FAM76B: variants seen among roughly 807,000 people sequenced by gnomAD.
The protein encoded by FAM76B is protein FAM76B.
FAM76B carries 16 observed loss-of-function variants against 51.8 expected under a neutral mutation model. The observed-to-expected ratio is 0.31, with a 90% confidence interval of 0.21 to 0.47. The LOEUF (loss-of-function observed/expected upper bound fraction) is 0.47. Among genes scored for constraint, FAM76B ranks in the 20% least tolerant of loss-of-function variants. The pLI, the probability that FAM76B is intolerant of heterozygous loss-of-function variation, is 1.00. For missense variants in FAM76B, 342 were observed against 392.6 expected (o/e 0.87, Z 1.09); for synonymous variants, 166 against 129.5 (o/e 1.28, Z -1.91).
rs1269947791 is a variant in FAM76B at position 95,783,137 on chromosome 11, T to C, written c.491A>G (p.Lys164Arg). 6.2e-7 allele frequency: 1 copy of C among 1,613,028 alleles called. No individual in the cohort carries two copies. The highest frequency in any genetic ancestry group is 1.1e-5 in the South Asian group (1 of 90,984). Reference protein sequence around the residue: ...SNSSSSSLTEKDQHHPKHHHH... With the variant: ...SNSSSSSLTERDQHHPKHHHH... ...ATGATGTTTTGGATGATGCTGGTCT[T>C]TCTCAGTAAGAGATGAAGAAGATGA... The change falls in exon 5 of 10, where the codon AAA becomes AGA. Residue 164 changes from lysine (K) to arginine (R), a missense_variant. Transcript: ENST00000358780.
chr11:95,771,204 A>G lies in FAM76B; in HGVS notation c.*357T>C, dbSNP rs1256046340. 2 of 153,424 alleles carry G rather than the reference A, an allele frequency of 1.3e-5. No homozygotes were observed. Among genetic ancestry groups the G allele is most frequent in the African/African-American group, 4.8e-5 (2 of 41,410 alleles). The allele number at this position is 153,424 out of a possible 1,614,324, so 9.5% of individuals were successfully genotyped here. ...GAAATTAGCATAGTGTAAAACAAAAACAAAACAAAAAAACCCTGCTGCTCT... is the reference window on the plus strand; with the variant it reads ...GAAATTAGCATAGTGTAAAACAAAAGCAAAACAAAAAAACCCTGCTGCTCT... On this transcript the variant is annotated 3_prime_UTR_variant, in exon 10 of 10. Coordinates refer to ENST00000358780, the MANE Select transcript of FAM76B (RefSeq NM_144664.5).
chr11:95,784,715 GT>G (rs1403108744), intron 4 of FAM76B, among the ~76,000 whole-genome samples: 1 of 151,906 alleles, frequency 6.6e-6, no homozygotes, highest in Non-Finnish European at 1.5e-5. Context: ...AGCCTCCTGA[GT>G]AGCTGGGACT....
chr11:95,770,252 C>T lies in FAM76B; in HGVS notation c.*1309G>A, dbSNP rs1041922237. 1 of 151,812 alleles carries T rather than the reference C, an allele frequency of 6.6e-6. No individual in the cohort carries two copies. Among genetic ancestry groups the T allele is most frequent in the African/African-American group, 2.4e-5 (1 of 41,338 alleles). 9.4% of individuals were successfully genotyped at this position (151,812 alleles called of 1,614,324 possible). A position where few individuals can be genotyped will look rare whatever the true frequency, so the allele number is the denominator to read the frequency against. On this transcript the variant is annotated 3_prime_UTR_variant, in exon 10 of 10. Transcript: ENST00000358780. ...GTCAATAACTTCATATAACCTATCC[C>T]ACCCTACCTTAACCTTTTATAGACA... is the stretch of plus-strand genomic sequence containing the variant.
intron 4 of FAM76B, 101 bp from the exon 5 acceptor site, chr11:95,783,365 A>G: frequency 1.1e-6 from 1 of 937,034 alleles, no homozygotes; most frequent in Non-Finnish European, 1.6e-6. Context: ...TTCCACACGT[A>G]ACATGCACAA....
At chr11:95,780,869 G>A (rs754477549) in intron 5 of FAM76B, among the ~76,000 whole-genome samples, 1 of 151,686 alleles carries the variant, frequency 6.6e-6, no homozygotes, top group Non-Finnish European at 1.5e-5. Context: ...ATACAAAATA[G>A]ACATATATAT....
At position 95,775,927 on chromosome 11, in the gene FAM76B, G is replaced by A; in HGVS notation, c.925C>T (p.Leu309Phe). 1 of 1,571,122 alleles carries A rather than the reference G, an allele frequency of 6.4e-7. No homozygotes were observed. Among genetic ancestry groups the A allele is most frequent in the South Asian group, 1.2e-5 (1 of 84,458 alleles). ...EKAHKETVEQ[L>F]QAKNRELLKQ... ...ACGTAAATGATGGTAGTTACCTGAA[G>A]TTGTTCCACAGTTTCTTTGTGGGCT... The change falls in exon 9 of 10, where the codon CTT becomes TTT. Residue 309 changes from leucine to phenylalanine, a missense_variant. Physicochemically the swap from Leu to Phe is conservative, Grantham distance 22. This residue lies in a region of FAM76B where 230 missense variants were observed against 257.4 expected (regional missense o/e 0.89). Transcript: ENST00000358780.
At chr11:95,779,990 A>C (rs1860186842) in intron 5 of FAM76B, 64 bp from the exon 6 acceptor site, 2 of 1,423,134 alleles carry the variant, frequency 1.4e-6, no homozygotes, top group South Asian at 2.6e-5. Context: ...TAAATTTAAC[A>C]TTCTTTCTCA....
At position 95,771,499 on chromosome 11, in the gene FAM76B, T is replaced by C. The variant is rs1859763034; in HGVS notation, c.*62A>G. 1 of 1,377,140 alleles carries C rather than the reference T, an allele frequency of 7.3e-7. No homozygotes were observed. The highest frequency in any genetic ancestry group is 1.8e-5 in the Admixed American group (1 of 56,774). 85.3% of individuals were successfully genotyped at this position (1,377,140 alleles called of 1,614,324 possible). ...TTTCTACTACACAGAATTTAAGGGC[T>C]TCACAGAATTTTTTTTCCCCAAATT... On this transcript the variant is annotated 3_prime_UTR_variant, in exon 10 of 10. Coordinates refer to ENST00000358780, the MANE Select transcript of FAM76B (RefSeq NM_144664.5).
chr11:95,774,622 T>A (rs1274614386), intron 9 of FAM76B, among the ~76,000 whole-genome samples: 2 of 151,410 alleles, frequency 1.3e-5, no homozygotes, highest in African/African-American at 4.8e-5. Context: ...CAGGTAATCA[T>A]TCAGCATTAA....
chr11:95,786,043 G>A (rs1173624117), intron 4 of FAM76B, 76 bp downstream of exon 4: 3 of 1,525,628 alleles, frequency 2.0e-6, no homozygotes, highest in African/African-American at 1.4e-5. Context: ...TCTCAGTAGT[G>A]TATTAATTAT....
chr11:95,776,124 TAGA>T (rs1042470315), intron 8 of FAM76B, 101 bp from the exon 9 acceptor site: 11 of 597,716 alleles, frequency 1.8e-5, no homozygotes, highest in South Asian at 1.2e-4. Flanking sequence ...ATTACAAAAG[TAGA>T]AGATGTTAAC....
chr11:95,774,335 A>T (rs1160156149), intron 9 of FAM76B, among the ~76,000 whole-genome samples: 1 of 151,424 alleles, frequency 6.6e-6, no homozygotes, highest in Non-Finnish European at 1.5e-5. Context: ...CTATTTAAAT[A>T]TTGGTTACTT....
At position 95,770,418 on chromosome 11, in the gene FAM76B, T is replaced by C. The variant is rs867407171; in HGVS notation, c.*1143A>G. On this transcript the variant is annotated 3_prime_UTR_variant, in exon 10 of 10. Transcript: ENST00000358780. ...TGCTTTAAATTTACAAATTACATTG[T>C]ACATAAATATTAACTTAGATAACCA... 5 of 151,950 alleles carry C rather than the reference T, an allele frequency of 3.3e-5. No individual in the cohort carries two copies. Among genetic ancestry groups the C allele is most frequent in the East Asian group, 1.9e-4 (1 of 5,174 alleles). The allele number at this position is 151,950 out of a possible 1,614,324, so 9.4% of individuals were successfully genotyped here.
intron 2 of FAM76B, among the ~76,000 whole-genome samples, chr11:95,787,926 C>A (rs535051750): frequency 3.0e-4 from 45 of 152,118 alleles, no homozygotes; most frequent in Non-Finnish European, 5.9e-4. Flanking sequence ...CTATATAGCT[C>A]CAAAATCTTC....
At chr11:95,789,335 C>G in intron 1 of FAM76B, 57 bp downstream of exon 1, 1 of 1,525,582 alleles carries the variant, frequency 6.6e-7, no homozygotes, top group Non-Finnish European at 8.9e-7. Flanking sequence ...GGCTACCCGG[C>G]CCCCTCCGGC....
intron 2 of FAM76B, 115 bp downstream of exon 2, chr11:95,788,384 T>C (rs1230336924): frequency 2.0e-5 from 17 of 853,214 alleles, no homozygotes; most frequent in Non-Finnish European, 2.8e-5. Context: ...TTAAAATTTC[T>C]GGGGCTAAAC....
In FAM76B at chr11:95,789,726, G is replaced by T; in HGVS notation, c.-248C>A. On this transcript the variant is annotated 5_prime_UTR_variant, in exon 1 of 10. Coordinates refer to ENST00000358780, the MANE Select transcript of FAM76B (RefSeq NM_144664.5). Reference sequence around the variant, plus strand: ...CCGCTCCCGCTTAGGCCCCGATAGCGGCGGAGGGAGACGAAGCGGGTAGGG... The same window carrying T: ...CCGCTCCCGCTTAGGCCCCGATAGCTGCGGAGGGAGACGAAGCGGGTAGGG... 2.1e-6 allele frequency: 1 copy of T among 480,292 alleles called. No homozygotes were observed. The highest frequency in any genetic ancestry group is 3.6e-6 in the Non-Finnish European group (1 of 273,990). 29.8% of individuals were successfully genotyped at this position (480,292 alleles called of 1,614,324 possible).
rs998258559 is a variant in FAM76B, at chr11:95,770,591, CTTAAAA to C, written c.*964_*969del. ...AATAAAATTACTCTTTAAGAAGCAA[CTTAAAA>C]TTAAATCTTTGGGGAACTATTTTGA... On this transcript the variant is annotated 3_prime_UTR_variant, in exon 10 of 10. Coordinates refer to ENST00000358780, the MANE Select transcript of FAM76B (RefSeq NM_144664.5). 17 of 151,730 alleles carry C rather than the reference CTTAAAA, an allele frequency of 1.1e-4. No individual in the cohort carries two copies. Among genetic ancestry groups the C allele is most frequent in the East Asian group, 9.7e-4 (5 of 5,170 alleles). 9.4% of individuals were successfully genotyped at this position (151,730 alleles called of 1,614,324 possible). A position where few individuals can be genotyped will look rare whatever the true frequency, so the allele number is the denominator to read the frequency against.
chr11:95,788,908 A>G, intron 1 of FAM76B: 7 of 1,354,686 alleles, frequency 5.2e-6, no homozygotes, highest in Non-Finnish European at 5.8e-6. Context: ...AGGAGCTCCA[A>G]ATCAGAGCAT....
Sources: allele counts gnomAD v4.1 joint callset (sites outside exome capture counted in the v4.1 genomes callset), GRCh38; gene constraint gnomAD v4.1.1; regional missense constraint gnomAD v4.1.1; transcripts MANE v1.5; gene names NCBI Gene and HGNC (gene_info 2026-07-23, HGNC 2026-07-21).